LCK: variants seen among roughly 807,000 people sequenced by gnomAD.
The protein encoded by LCK is tyrosine-protein kinase Lck.
Under a neutral mutation model 64.6 loss-of-function variants are expected in LCK, and 14 were observed. That is an observed-to-expected ratio of 0.22 (90% CI 0.14 to 0.34). The LOEUF (loss-of-function observed/expected upper bound fraction) is 0.34, where lower values mean the gene tolerates loss of function less well. Among genes scored for constraint, LCK ranks in the 10% least tolerant of loss-of-function variants. LCK has a pLI of 1.00. For missense variants in LCK, 434 were observed against 668.1 expected (o/e 0.65, Z 3.86); for synonymous variants, 277 against 263.6 (o/e 1.05, Z -0.49).
At chr1:32,272,899 A>G (rs540454277) in intron 1 of LCK, among the ~76,000 whole-genome samples, 1 of 125,620 alleles carries the variant, frequency 8.0e-6, no homozygotes, top group Non-Finnish European at 1.7e-5. Flanking sequence ...GGTGTGGGTG[A>G]GTGTGTGGAG....
intron 9 of LCK, among the ~76,000 whole-genome samples, chr1:32,278,624 C>G (rs1383548181): frequency 2.0e-5 from 3 of 152,140 alleles, no homozygotes; most frequent in Admixed American, 1.3e-4. Context: ...CAGATGTGAG[C>G]CACCATGCCC....
At position 32,276,185 on chromosome 1, in the gene LCK, A is replaced by C; in HGVS notation, c.631+122A>C. 1 of 1,453,952 alleles carries C rather than the reference A, an allele frequency of 6.9e-7. No homozygotes were observed. Among genetic ancestry groups the C allele is most frequent in the Non-Finnish European group, 9.4e-7 (1 of 1,068,830 alleles). The allele number at this position is 1,453,952 out of a possible 1,614,324, so 90.1% of individuals were successfully genotyped here. A position where few individuals can be genotyped will look rare whatever the true frequency, so the allele number is the denominator to read the frequency against. ...TTCCCCGCAGTGGGTGAGGTGTGGA[A>C]CCTGACCCTACGGCCCCAAGTGTTT... On this transcript the variant is annotated intron_variant, in intron 7 of 12. Coordinates refer to ENST00000336890, the MANE Select transcript of LCK (RefSeq NM_005356.5). The surrounding 1 kb of genome is among the most constrained non-coding windows in gnomAD (Gnocchi z 4.6).
At chr1:32,272,605 A>AAGAGAGAGAGAGAGAGAAAG (rs1557581284) in intron 1 of LCK, among the ~76,000 whole-genome samples, 17 of 135,658 alleles carry the variant, frequency 1.3e-4, no homozygotes, top group African/African-American at 2.0e-4. Flanking sequence ...GAGAGAGAGA[A>AAGAGAGAGAGAGAGAGAAAG]AGAGAGAGAG....
At position 32,280,032 on chromosome 1, in the gene LCK, G is replaced by T. The variant is rs779121191; in HGVS notation, c.1195+38G>T. The T allele has an allele frequency of 2.5e-6, 4 of 1,613,866 alleles. No individual in the cohort carries two copies. The East Asian group carries it at 6.7e-5, about 27-fold the overall frequency. On this transcript the variant is annotated intron_variant, in intron 11 of 12. Coordinates refer to ENST00000336890, the MANE Select transcript of LCK (RefSeq NM_005356.5). ...TTTAAGGGTGGTCTGGGCCCTGCAGGGTCTGGCCAAGCAGACCCAGGTGAC... is the reference window on the plus strand; with the variant it reads ...TTTAAGGGTGGTCTGGGCCCTGCAGTGTCTGGCCAAGCAGACCCAGGTGAC...
chr1:32,266,930 T>C (rs1455240810), intron 1 of LCK, among the ~76,000 whole-genome samples: 2 of 147,960 alleles, frequency 1.4e-5, no homozygotes, highest in African/African-American at 5.1e-5. Context: ...CTTGCCTTTT[T>C]CTAAAGGCTC....
chr1:32,264,843 T>C (rs570964127), intron 1 of LCK, among the ~76,000 whole-genome samples: 1 of 152,136 alleles, frequency 6.6e-6, no homozygotes, highest in African/African-American at 2.4e-5. Flanking sequence ...ATCGATCCTC[T>C]CTCCTCAGCC....
At position 32,275,581 on chromosome 1, in the gene LCK, G is replaced by T; in HGVS notation, c.390G>T (p.Lys130Asn). The stretch of plus-strand genomic sequence containing the variant: ...CCGCCCTGCACAGCTGGTTCTTCAA[G>T]AACCTGAGCCGCAAGGACGCGGAGC... Reference protein sequence around the residue: ...NSLEPEPWFFKNLSRKDAERQ... With the variant: ...NSLEPEPWFFNNLSRKDAERQ... Residue 130 changes from lysine (K) to asparagine (N), a missense_variant, in exon 6 of 13, where the codon AAG becomes AAT. This residue lies in a region of LCK where 233 missense variants were observed against 291.2 expected (regional missense o/e 0.80). Transcript: ENST00000336890. The surrounding 1 kb of genome is among the most constrained non-coding windows in gnomAD (Gnocchi z 6.9). The T allele has an allele frequency of 6.4e-7, 1 of 1,570,586 alleles. No individual in the cohort carries two copies. The highest frequency in any genetic ancestry group is 8.6e-7 in the Non-Finnish European group (1 of 1,157,662).
At chr1:32,285,386 C>T in intron 12 of LCK, 128 bp from the exon 13 acceptor site, 3 of 810,890 alleles carry the variant, frequency 3.7e-6, no homozygotes, top group Non-Finnish European at 6.4e-6. Flanking sequence ...TGTGACCTTA[C>T]CATTGATGAA....
chr1:32,264,829 C>T (rs1639869686), intron 1 of LCK, among the ~76,000 whole-genome samples: 1 of 152,034 alleles, frequency 6.6e-6, no homozygotes, highest in Non-Finnish European at 1.5e-5. Context: ...AACTCCGGGG[C>T]TCAATCGATC....
intron 12 of LCK, among the ~76,000 whole-genome samples, chr1:32,284,780 G>A (rs888018978): frequency 2.6e-5 from 4 of 152,178 alleles, no homozygotes; most frequent in African/African-American, 7.2e-5. Context: ...AACTGGGCTC[G>A]CCCAAGGTTC....
intron 1 of LCK, among the ~76,000 whole-genome samples, chr1:32,257,754 G>A (rs35021967): frequency 0.11 from 16,707 of 152,108 alleles, 1,278 homozygotes; most frequent in East Asian, 0.32. Context: ...CCAAGGGAGC[G>A]GACTCAGTAA....
In LCK at chr1:32,272,658, C is replaced by T. The variant is rs201252851; in HGVS notation, c.-5-1667C>T. On this transcript the variant is annotated intron_variant, in intron 1 of 12. Coordinates refer to ENST00000336890, the MANE Select transcript of LCK (RefSeq NM_005356.5). ...GAGAGAGAGAGAGAGAGCGAGAGAG[C>T]GCACGCATTTCAAAGCAGGGAGAAC... is the stretch of plus-strand genomic sequence containing the variant. Among the ~76,000 whole-genome samples, 845 of 97,984 alleles carry T rather than the reference C, an allele frequency of 8.6e-3. 8 individuals carry two copies. The highest frequency in any genetic ancestry group is 0.034 in the African/African-American group (818 of 24,386). The allele number at this position is 97,984 out of a possible 152,430, so 64.3% of individuals were successfully genotyped here. A position where few individuals can be genotyped will look rare whatever the true frequency, so the allele number is the denominator to read the frequency against.
chr1:32,278,848 G>A lies in LCK; in HGVS notation c.965-823G>A, dbSNP rs559458105. Among the ~76,000 whole-genome samples the A allele has an allele frequency of 1.6e-4, 24 of 152,310 alleles. No homozygotes were observed. In the East Asian group the frequency reaches 3.5e-3, roughly 22 times the overall value. On this transcript the variant is annotated intron_variant, in intron 9 of 12. Transcript: ENST00000336890. ...TCAGCACTCAAAGTGGGGACACTCA[G>A]GTTGCTGTCATCCTTTTACAGGGTT...
Position 32,275,464 on chromosome 1 carries a change from G to C in LCK, c.377+45G>C. 1 of 1,600,534 alleles carries C rather than the reference G, an allele frequency of 6.2e-7. No homozygotes were observed. Among genetic ancestry groups the C allele is most frequent in the Non-Finnish European group, 8.5e-7 (1 of 1,169,904 alleles). On this transcript the variant is annotated intron_variant, in intron 5 of 12. Coordinates refer to ENST00000336890, the MANE Select transcript of LCK (RefSeq NM_005356.5). The surrounding 1 kb of genome is among the most constrained non-coding windows in gnomAD (Gnocchi z 6.9). ...GGGGGTGGGTAGGAGCAGATCTAGG[G>C]ATCCTGGAGCAGGGAGTAGGCCTGG...
At chr1:32,266,087 G>A (rs1639900397) in intron 1 of LCK, among the ~76,000 whole-genome samples, 2 of 152,160 alleles carry the variant, frequency 1.3e-5, no homozygotes, top group South Asian at 4.1e-4. Context: ...AGCCTCCTGA[G>A]TAGCTAGGAC....
chr1:32,254,227 A>C (rs1280373020), intron 1 of LCK, among the ~76,000 whole-genome samples: 1 of 152,166 alleles, frequency 6.6e-6, no homozygotes, highest in Non-Finnish European at 1.5e-5. Flanking sequence ...TGTCTCTAAA[A>C]AATAAACACG....
intron 12 of LCK, among the ~76,000 whole-genome samples, chr1:32,281,797 GCTCACA>G (rs1318830206): frequency 1.3e-5 from 2 of 152,124 alleles, no homozygotes; most frequent in Non-Finnish European, 2.9e-5. Context: ...GGATGCAGTG[GCTCACA>G]CCTGTAATAC....
rs141234134 is a variant in LCK at position 32,281,062 on chromosome 1, C to T, written c.1327+852C>T. Among the ~76,000 whole-genome samples the T allele has an allele frequency of 6.8e-3, 1,033 of 151,594 alleles. 15 individuals are homozygous for T. The highest frequency in any genetic ancestry group is 0.023 in the African/African-American group (964 of 41,328). ...TTCGAGACCAGCCTGGGAAACTGGT[C>T]GAAACCCCATCTCTACAAAAACAAA... On this transcript the variant is annotated intron_variant, in intron 12 of 12. Coordinates refer to ENST00000336890, the MANE Select transcript of LCK (RefSeq NM_005356.5).
rs2124384093 is a variant in LCK at position 32,285,626 on chromosome 1, C to T, written c.1440C>T (p.Arg480=). The stretch of plus-strand genomic sequence containing the variant: ...TCATGAGGCTGTGCTGGAAGGAGCG[C>T]CCAGAGGACCGGCCCACCTTTGACT... The part of the protein sequence containing the change: ...YQLMRLCWKE[R]PEDRPTFDYL... The change falls in exon 13 of 13, where the codon CGC becomes CGT. Residue 480 remains arginine, a synonymous_variant. Coordinates refer to ENST00000336890, the MANE Select transcript of LCK (RefSeq NM_005356.5). 1.2e-6 allele frequency: 2 copies of T among 1,614,226 alleles called. No homozygotes were observed. Among genetic ancestry groups the T allele is most frequent in the Non-Finnish European group, 1.7e-6 (2 of 1,180,036 alleles).
Sources: allele counts gnomAD v4.1 joint callset (sites outside exome capture counted in the v4.1 genomes callset), GRCh38; gene constraint gnomAD v4.1.1; regional missense constraint gnomAD v4.1.1; non-coding constraint Gnocchi (gnomAD v3.1); transcripts MANE v1.5; gene names NCBI Gene and HGNC (gene_info 2026-07-23, HGNC 2026-07-21).